Variants in MAML2 observed in about 807,000 individuals in gnomAD.
The protein encoded by MAML2 is mastermind like transcriptional coactivator 2.
MAML2 carries 22 observed loss-of-function variants against 96.1 expected under a neutral mutation model. That is an observed-to-expected ratio of 0.23 (90% confidence interval 0.16 to 0.33). MAML2 has a LOEUF of 0.33. MAML2 is among the 10% of genes least tolerant of loss of function. The probability of loss-of-function intolerance (pLI) is 1.00; values close to 1 mark genes in which losing one functional copy is unlikely to be tolerated. For missense variants in MAML2, 1,367 were observed against 1,392.4 expected (o/e 0.98, Z 0.29); for synonymous variants, 561 against 521.3 (o/e 1.08, Z -1.04).
intron 1 of MAML2, among the ~76,000 whole-genome samples, chr11:96,202,431 A>C (rs1166932885): frequency 6.6e-6 from 1 of 152,018 alleles, no homozygotes; most frequent in African/African-American, 2.4e-5. Context: ...AAGCATGGTC[A>C]CCAGTTATGG....
Position 96,217,492 on chromosome 11 carries a change from C to T in MAML2, c.513+123891G>A, listed in dbSNP as rs1006633737. ...ATGCTTCAATCCAGAGAACACTGTC[C>T]ACCGATAATTTATTCGAGCATCTTC... On this transcript the variant is annotated intron_variant, in intron 1 of 4. Transcript: ENST00000524717. 6.6e-5 allele frequency among the ~76,000 whole-genome samples: 10 copies of T among 152,118 alleles called. 1 individual carries two copies. The highest frequency in any genetic ancestry group is 2.4e-4 in the African/African-American group (10 of 41,414).
intron 1 of MAML2, among the ~76,000 whole-genome samples, chr11:96,116,199 C>T (rs1433199801): frequency 1.3e-5 from 2 of 152,122 alleles, no homozygotes; most frequent in East Asian, 3.8e-4. Context: ...GTGAATAATG[C>T]AATTCTGCTT....
At chr11:96,336,455 A>G (rs1303579067) in intron 1 of MAML2, among the ~76,000 whole-genome samples, 1 of 152,208 alleles carries the variant, frequency 6.6e-6, no homozygotes, top group African/African-American at 2.4e-5. Context: ...CAATGTCTTT[A>G]GCTGTATTTC....
chr11:96,124,502 A>T (rs1860405779), intron 1 of MAML2, among the ~76,000 whole-genome samples: 1 of 152,210 alleles, frequency 6.6e-6, no homozygotes, highest in Non-Finnish European at 1.5e-5. Flanking sequence ...TCATCTGTTA[A>T]ATGTAAACCA....
At chr11:96,203,662 C>A (rs1380527710) in intron 1 of MAML2, among the ~76,000 whole-genome samples, 1 of 152,072 alleles carries the variant, frequency 6.6e-6, no homozygotes, top group Non-Finnish European at 1.5e-5. Flanking sequence ...ACACAAATGA[C>A]CAAACATGAA....
chr11:96,181,562 C>A (rs1565240165), intron 1 of MAML2, among the ~76,000 whole-genome samples: 1 of 152,102 alleles, frequency 6.6e-6, no homozygotes, highest in East Asian at 1.9e-4. Flanking sequence ...CCACCCCCTT[C>A]AAGTCTTTAC....
At chr11:96,226,174 A>G (rs1030374901) in intron 1 of MAML2, among the ~76,000 whole-genome samples, 3 of 152,208 alleles carry the variant, frequency 2.0e-5, no homozygotes, top group African/African-American at 4.8e-5. Context: ...AGGAGGCTTT[A>G]TTGCCTAAAA....
Position 96,159,417 on chromosome 11 carries a change from T to TTTTTTTTTTTTTTC in MAML2, c.514-65901_514-65900insGAAAAAAAAAAAAA, listed in dbSNP as rs1861067510. Among the ~76,000 whole-genome samples the TTTTTTTTTTTTTTC allele has an allele frequency of 1.6e-5, 2 of 122,160 alleles. 1 individual carries two copies. The highest frequency in any genetic ancestry group is 3.5e-5 in the Non-Finnish European group (2 of 57,116). 80.1% of individuals were successfully genotyped at this position (122,160 alleles called of 152,430 possible). A position where few individuals can be genotyped will look rare whatever the true frequency, so the allele number is the denominator to read the frequency against. ...TCTAAACCACTGATTCTTTTTTTTT[T>TTTTTTTTTTTTTTC]TTTTTTTTTTTTTGAGACGGAGTCT... On this transcript the variant is annotated intron_variant, in intron 1 of 4. Coordinates refer to ENST00000524717, the MANE Select transcript of MAML2 (RefSeq NM_032427.4).
Position 96,179,001 on chromosome 11 carries a change from C to G in MAML2, c.514-85484G>C, listed in dbSNP as rs181341560. ...CCCTTGCAGTGCTGCAGGCTGTACACGTGCCTGAATTTGATTAGACGGCAT... is the reference window on the plus strand; with the variant it reads ...CCCTTGCAGTGCTGCAGGCTGTACAGGTGCCTGAATTTGATTAGACGGCAT... On this transcript the variant is annotated intron_variant, in intron 1 of 4. Coordinates refer to ENST00000524717, the MANE Select transcript of MAML2 (RefSeq NM_032427.4). Among the ~76,000 whole-genome samples the G allele has an allele frequency of 4.6e-5, 7 of 152,236 alleles. No homozygotes were observed. In the South Asian group the frequency reaches 1.0e-3, roughly 23 times the overall value.
chr11:96,240,972 T>C (rs1862431103), intron 1 of MAML2, among the ~76,000 whole-genome samples: 1 of 152,200 alleles, frequency 6.6e-6, no homozygotes, highest in South Asian at 2.1e-4. Flanking sequence ...CATCTCCCTA[T>C]GCTGTGAACT....
intron 1 of MAML2, among the ~76,000 whole-genome samples, chr11:96,144,113 T>C (rs1461091728): frequency 1.3e-5 from 2 of 152,178 alleles, no homozygotes; most frequent in African/African-American, 4.8e-5. Flanking sequence ...AGAAATGAGC[T>C]TGGGCTTTTT....
In MAML2 at chr11:96,341,934, G is replaced by T; in HGVS notation, c.-39C>A. ...ATGATTGCTGCCTCTGGGATGGTGA[G>T]GTGGAAAGAGGCTACTGCTGGCTAT... On this transcript the variant is annotated 5_prime_UTR_variant, in exon 1 of 5. Transcript: ENST00000524717. 6.8e-7 allele frequency: 1 copy of T among 1,471,058 alleles called. No individual in the cohort carries two copies. Among genetic ancestry groups the T allele is most frequent in the East Asian group, 2.5e-5 (1 of 40,424 alleles). 91.1% of individuals were successfully genotyped at this position (1,471,058 alleles called of 1,614,324 possible).
chr11:96,098,501 C>T (rs1302906065), intron 1 of MAML2, among the ~76,000 whole-genome samples: 1 of 152,210 alleles, frequency 6.6e-6, no homozygotes, highest in African/African-American at 2.4e-5. Flanking sequence ...TAATATCACC[C>T]TTTCACTGGC....
At chr11:96,056,359 C>G (rs1859069523) in intron 2 of MAML2, among the ~76,000 whole-genome samples, 2 of 130,252 alleles carry the variant, frequency 1.5e-5, no homozygotes, top group Non-Finnish European at 3.2e-5. Flanking sequence ...CACATGTTCT[C>G]TCTTTTAGTT....
intron 1 of MAML2, among the ~76,000 whole-genome samples, chr11:96,235,223 A>G (rs1862352176): frequency 6.6e-6 from 1 of 152,142 alleles, no homozygotes; most frequent in African/African-American, 2.4e-5. Flanking sequence ...AGCAAACATC[A>G]GCAAACTATG....
At chr11:96,225,864 T>G (rs924527509) in intron 1 of MAML2, among the ~76,000 whole-genome samples, 1 of 152,080 alleles carries the variant, frequency 6.6e-6, no homozygotes, top group African/African-American at 2.4e-5. Context: ...CAATACAGAT[T>G]GTACAGAGAT....
At chr11:96,241,160 C>A (rs1206940547) in intron 1 of MAML2, among the ~76,000 whole-genome samples, 1 of 152,226 alleles carries the variant, frequency 6.6e-6, no homozygotes, top group Admixed American at 6.5e-5. Flanking sequence ...ATGTCTTCAA[C>A]AACTTACAGT....
intron 2 of MAML2, among the ~76,000 whole-genome samples, chr11:96,061,069 G>A (rs1859151382): frequency 6.6e-6 from 1 of 152,152 alleles, no homozygotes; most frequent in Admixed American, 6.5e-5. Context: ...ATGAAAGAAA[G>A]CAAAATGAAG....
intron 1 of MAML2, among the ~76,000 whole-genome samples, chr11:96,111,081 G>A (rs779337837): frequency 3.9e-5 from 6 of 152,226 alleles, no homozygotes; most frequent in Non-Finnish European, 8.8e-5. Context: ...GGGGTAGTGG[G>A]AAGGACAGAG....
Sources: gnomAD v4.1 joint callset for allele counts (sites outside exome capture counted in the v4.1 genomes callset) on GRCh38, gnomAD v4.1.1 for gene constraint, MANE v1.5 for transcripts, NCBI Gene and HGNC (gene_info 2026-07-23, HGNC 2026-07-21) for gene names.